The following UBE4B variants were observed in gnomAD, a reference collection of about 807,000 sequenced individuals.
UBE4B encodes ubiquitination factor E4B.
A neutral mutation model predicts 148.1 loss-of-function variants in UBE4B; 27 were observed. The observed-to-expected ratio is 0.18, with a 90% CI of 0.13 to 0.25. The LOEUF (loss-of-function observed/expected upper bound fraction) is 0.25, where lower values mean the gene tolerates loss of function less well. Ranked by LOEUF, UBE4B falls within the 10% of genes least tolerant of loss-of-function variation. The pLI is 1.00. For synonymous variants in UBE4B, 596 were observed against 619.3 expected, an observed-to-expected ratio of 0.96 and a Z score of 0.56; for missense variants, 1,170 against 1,662.4, an observed-to-expected ratio of 0.70 and a Z score of 5.15.
At chr1:10,090,333 T>A (rs1644826745) in intron 2 of UBE4B, among the ~76,000 whole-genome samples, 1 of 152,072 alleles carries the variant, frequency 6.6e-6, no homozygotes, top group Admixed American at 6.5e-5. Flanking sequence ...TCACGCAGGC[T>A]GGTCTTGAAT....
chr1:10,110,067 T>C (rs948941991), intron 7 of UBE4B, among the ~76,000 whole-genome samples: 1 of 152,182 alleles, frequency 6.6e-6, no homozygotes, highest in Non-Finnish European at 1.5e-5. Context: ...TCATTGATCT[T>C]CCCAGAATTT....
intron 1 of UBE4B, among the ~76,000 whole-genome samples, chr1:10,045,810 GC>G (rs1026905300): frequency 5.9e-5 from 9 of 152,320 alleles, no homozygotes; most frequent in African/African-American, 2.2e-4. Context: ...TGTGGGTAGA[GC>G]CAATAGGATT....
In UBE4B at chr1:10,144,999, G is replaced by C; in HGVS notation, c.2423G>C (p.Arg808Thr). ...TGGAAAGATTCCCCACTGGCAACTAGACACCGCGAAATGCTGAAGCGCTGT... is the reference window on the plus strand; with the variant it reads ...TGGAAAGATTCCCCACTGGCAACTACACACCGCGAAATGCTGAAGCGCTGT... Reference protein sequence around the residue: ...SQWKDSPLATRHREMLKRCKT... With the variant: ...SQWKDSPLATTHREMLKRCKT... The change falls in exon 18 of 28, where the codon AGA (arginine) becomes ACA (threonine). Residue 808 changes from arginine to threonine, a missense_variant. Physicochemically the swap from Arg to Thr is moderately conservative, Grantham distance 71. Around this residue, in one of 6 missense-constraint regions of UBE4B, gnomAD observed 388 missense variants for 536.0 expected, o/e 0.72. Coordinates refer to ENST00000343090, the MANE Select transcript of UBE4B (RefSeq NM_001105562.3). 1 of 1,613,914 alleles carries C rather than the reference G, an allele frequency of 6.2e-7. No individual in the cohort carries two copies. Among genetic ancestry groups the C allele is most frequent in the Non-Finnish European group, 8.5e-7 (1 of 1,179,916 alleles).
At chr1:10,078,687 C>T (rs1644624979) in intron 2 of UBE4B, among the ~76,000 whole-genome samples, 1 of 152,106 alleles carries the variant, frequency 6.6e-6, no homozygotes, top group Admixed American at 6.6e-5. Flanking sequence ...GCTGTTGTGA[C>T]CTCTGAAGAG....
chr1:10,150,866 A>C (rs1206668537), intron 20 of UBE4B, among the ~76,000 whole-genome samples: 1 of 143,416 alleles, frequency 7.0e-6, no homozygotes, highest in Non-Finnish European at 1.5e-5. Flanking sequence ...TCTCAAGAAA[A>C]AAAAAAAAAA....
At position 10,095,721 on chromosome 1, in the gene UBE4B, A is replaced by T. The variant is rs930811598; in HGVS notation, c.347+125A>T. 6 of 1,016,544 alleles carry T rather than the reference A, an allele frequency of 5.9e-6. No individual in the cohort carries two copies. The African/African-American group carries it at 8.1e-5, about 14-fold the overall frequency. 63.0% of individuals were successfully genotyped at this position (1,016,544 alleles called of 1,614,324 possible). On this transcript the variant is annotated intron_variant, in intron 3 of 27. Coordinates refer to ENST00000343090, the MANE Select transcript of UBE4B (RefSeq NM_001105562.3). ...GACCCATGCCAGTCCTTAGCAAATTAGTGTCAAATGTATTAAATTTAAAGA... is the reference window on the plus strand; with the variant it reads ...GACCCATGCCAGTCCTTAGCAAATTTGTGTCAAATGTATTAAATTTAAAGA...
In UBE4B at chr1:10,076,660, T is replaced by C. The variant is rs574998474; in HGVS notation, c.211+4446T>C. ...GCCCTCTTAGTTGGGCTGTTTTCAG[T>C]TGCAAGTAACTAAAGCAAGGATTGA... On this transcript the variant is annotated intron_variant, in intron 2 of 27. Transcript: ENST00000343090. Among the ~76,000 whole-genome samples the C allele has an allele frequency of 1.1e-3, 170 of 152,070 alleles. 2 individuals carry two copies. The South Asian group carries it at 0.015, about 14-fold the overall frequency.
chr1:10,040,524 T>G (rs1570761323), intron 1 of UBE4B, among the ~76,000 whole-genome samples: 1 of 152,232 alleles, frequency 6.6e-6, no homozygotes, highest in Non-Finnish European at 1.5e-5. Context: ...GTGCTGAGAT[T>G]GCAAGTTTAA....
At chr1:10,174,020 A>C (rs1181359597) in intron 25 of UBE4B, among the ~76,000 whole-genome samples, 1 of 152,162 alleles carries the variant, frequency 6.6e-6, no homozygotes, top group Non-Finnish European at 1.5e-5. Context: ...GGGCTCCTTG[A>C]ATGTCTAAAT....
At chr1:10,096,823 G>C (rs1180659771) in intron 3 of UBE4B, among the ~76,000 whole-genome samples, 1 of 152,100 alleles carries the variant, frequency 6.6e-6, no homozygotes, top group Non-Finnish European at 1.5e-5. Flanking sequence ...TGGATCACTT[G>C]AGGCCAGGAG....
chr1:10,109,075 T>C (rs1009032146), intron 7 of UBE4B, among the ~76,000 whole-genome samples: 1 of 152,138 alleles, frequency 6.6e-6, no homozygotes, highest in African/African-American at 2.4e-5. Context: ...AGGAATAAAA[T>C]GTACCAAGTG....
chr1:10,126,946 C>A (rs1212254157), intron 11 of UBE4B, 69 bp downstream of exon 11: 10 of 1,384,120 alleles, frequency 7.2e-6, no homozygotes, highest in Non-Finnish European at 1.0e-5. Context: ...TTGACATATA[C>A]TTTTCTTTCA....
At chr1:10,101,246 C>A (rs1645005388) in intron 4 of UBE4B, 51 bp downstream of exon 4, 1 of 1,567,228 alleles carries the variant, frequency 6.4e-7, no homozygotes, top group Non-Finnish European at 8.8e-7. Flanking sequence ...AAACACATTT[C>A]ATGTCTTGTA....
At chr1:10,134,282 G>A (rs1645641536) in intron 15 of UBE4B, among the ~76,000 whole-genome samples, 1 of 151,712 alleles carries the variant, frequency 6.6e-6, no homozygotes. Flanking sequence ...AGGCCGAGAC[G>A]GGCGTATCAC....
chr1:10,050,286 G>A (rs1349021263), intron 1 of UBE4B, among the ~76,000 whole-genome samples: 1 of 152,186 alleles, frequency 6.6e-6, no homozygotes, highest in African/African-American at 2.4e-5. Flanking sequence ...TGGTCAGGCT[G>A]GTCTTGAACT....
rs1280604778 is a variant in UBE4B at position 10,109,737 on chromosome 1, A to G, written c.1196+3154A>G. On this transcript the variant is annotated intron_variant, in intron 7 of 27. Transcript: ENST00000343090. ...GCGATCTCGGCTCACTGCAACCTCC[A>G]CCTCCTGGGTTTAAGCAATTCTCGT... Among the ~76,000 whole-genome samples, 4 of 151,462 alleles carry G rather than the reference A, an allele frequency of 2.6e-5. No homozygotes were observed. In the East Asian group the frequency reaches 7.7e-4, roughly 29 times the overall value.
intron 17 of UBE4B, among the ~76,000 whole-genome samples, chr1:10,143,600 C>T (rs1176467200): frequency 1.3e-5 from 2 of 152,192 alleles, no homozygotes; most frequent in South Asian, 2.1e-4. Context: ...ACGTCCCTTT[C>T]GCCATGGGAG....
intron 2 of UBE4B, among the ~76,000 whole-genome samples, chr1:10,088,879 A>G (rs1212440644): frequency 1.3e-5 from 2 of 150,136 alleles, no homozygotes; most frequent in African/African-American, 2.5e-5. Flanking sequence ...GGGTCTCTCT[A>G]TTTTGCCCAG....
chr1:10,104,169 C>T (rs1043729006), intron 5 of UBE4B, among the ~76,000 whole-genome samples: 5 of 152,080 alleles, frequency 3.3e-5, no homozygotes, highest in African/African-American at 4.8e-5. Flanking sequence ...CATGTATAGA[C>T]GGTGGAATTG....
Sources: allele counts gnomAD v4.1 joint callset (sites outside exome capture counted in the v4.1 genomes callset), GRCh38; gene constraint gnomAD v4.1.1; regional missense constraint gnomAD v4.1.1; transcripts MANE v1.5; gene names NCBI Gene and HGNC (gene_info 2026-07-23, HGNC 2026-07-21).